PALB2: variants seen among roughly 807,000 people sequenced by gnomAD.
PALB2 encodes mutant partner and localizer of BRCA2.
In PALB2, 82 loss-of-function variants were observed where a neutral mutation model predicts 107.4. That is an observed-to-expected ratio of 0.76 (90% CI 0.64 to 0.92). The LOEUF is 0.92. Ranked by LOEUF, PALB2 falls within the 40% of genes least tolerant of loss-of-function variation. The pLI, the probability that PALB2 is intolerant of heterozygous loss-of-function variation, is 0.00. For synonymous variants in PALB2, 489 were observed against 496.8 expected, an observed-to-expected ratio of 0.98 and a Z score of 0.21; for missense variants, 1,374 against 1,379.9, an observed-to-expected ratio of 1.00 and a Z score of 0.07.
At chr16:23,622,320 G>A (rs568575442) in intron 9 of PALB2, among the ~76,000 whole-genome samples, 1 of 152,234 alleles carries the variant, frequency 6.6e-6, no homozygotes, top group Admixed American at 6.5e-5. Flanking sequence ...GTGAAGCAAT[G>A]GACACAAGTG....
chr16:23,611,077 A>G (rs1005431767), intron 11 of PALB2, among the ~76,000 whole-genome samples: 1 of 135,106 alleles, frequency 7.4e-6, no homozygotes, highest in Non-Finnish European at 1.6e-5. Context: ...TTCAACTGTC[A>G]GTCTATCTAT....
At chr16:23,626,794 G>T (rs1448124885) in intron 6 of PALB2, among the ~76,000 whole-genome samples, 1 of 151,932 alleles carries the variant, frequency 6.6e-6, no homozygotes, top group East Asian at 2.0e-4. Flanking sequence ...GCTAATTTTT[G>T]TATTTTTAGT....
chr16:23,622,002 C>CA (rs1966781741), intron 9 of PALB2, among the ~76,000 whole-genome samples: 2 of 152,164 alleles, frequency 1.3e-5, no homozygotes. Context: ...CACTAACATA[C>CA]CCCTAATTTA....
At chr16:23,626,444 T>A (rs2142357318) in intron 6 of PALB2, 47 bp from the exon 7 acceptor site, 5 of 1,604,298 alleles carry the variant, frequency 3.1e-6, no homozygotes, top group Non-Finnish European at 4.3e-6. Flanking sequence ...CGAGTGCTGT[T>A]TTATGCAAAG....
chr16:23,604,697 T>C (rs927364189), intron 12 of PALB2, among the ~76,000 whole-genome samples: 2 of 146,652 alleles, frequency 1.4e-5, no homozygotes, highest in African/African-American at 5.1e-5. Context: ...ACATGGGAGG[T>C]GGAGGTTGCA....
At chr16:23,611,020 CAG>C (rs1310022136) in intron 11 of PALB2, among the ~76,000 whole-genome samples, 1 of 151,862 alleles carries the variant, frequency 6.6e-6, no homozygotes, top group Non-Finnish European at 1.5e-5. Context: ...GCCTGGGTGA[CAG>C]AGCAAGAATC....
chr16:23,631,498 C>A (rs1221784100), intron 4 of PALB2, among the ~76,000 whole-genome samples: 2 of 151,446 alleles, frequency 1.3e-5, no homozygotes, highest in African/African-American at 4.9e-5. Context: ...AAAACCAAAC[C>A]AAACAAAACA....
At chr16:23,608,353 C>T (rs994317685) in intron 11 of PALB2, among the ~76,000 whole-genome samples, 1 of 152,016 alleles carries the variant, frequency 6.6e-6, no homozygotes, top group African/African-American at 2.4e-5. Context: ...CCGCGCTCAG[C>T]CAACTTCTAG....
chr16:23,628,904 G>C (rs1278745051), intron 6 of PALB2, among the ~76,000 whole-genome samples: 1 of 152,214 alleles, frequency 6.6e-6, no homozygotes, highest in Admixed American at 6.5e-5. Flanking sequence ...AAAGTGCTGA[G>C]ATTATAGGGG....
chr16:23,611,741 A>T (rs1287658412), intron 11 of PALB2, among the ~76,000 whole-genome samples: 1 of 152,144 alleles, frequency 6.6e-6, no homozygotes. Context: ...TACAGGCGTG[A>T]GCCACTGCAC....
intron 4 of PALB2, among the ~76,000 whole-genome samples, chr16:23,634,190 G>A (rs747601341): frequency 8.5e-5 from 13 of 152,196 alleles, no homozygotes; most frequent in Admixed American, 2.6e-4. Context: ...GCACCATACC[G>A]CCAGGTTTGA....
chr16:23,625,638 T>C (rs1275024477), intron 7 of PALB2, among the ~76,000 whole-genome samples: 1 of 150,578 alleles, frequency 6.6e-6, no homozygotes, highest in Non-Finnish European at 1.5e-5. Context: ...CTACTAAAAA[T>C]ACAAAAAAAT....
Position 23,603,444 on chromosome 16 carries a change from T to G in PALB2, c.*15A>C, listed in dbSNP as rs943559354. The G allele has an allele frequency of 6.2e-7, 1 of 1,603,028 alleles. No individual in the cohort carries two copies. The highest frequency in any genetic ancestry group is 8.5e-7 in the Non-Finnish European group (1 of 1,170,148). Reference sequence around the variant, plus strand: ...CCAATATATCCAGAAAATTGTGTTTTCACTTTACCCTAACTTATGAATAGT... The same window carrying G: ...CCAATATATCCAGAAAATTGTGTTTGCACTTTACCCTAACTTATGAATAGT... On this transcript the variant is annotated 3_prime_UTR_variant, in exon 13 of 13. Transcript: ENST00000261584.
At chr16:23,618,558 A>G (rs1373129124) in intron 10 of PALB2, among the ~76,000 whole-genome samples, 2 of 151,912 alleles carry the variant, frequency 1.3e-5, no homozygotes, top group East Asian at 3.9e-4. Context: ...AAGAAAGAGT[A>G]TTTACAATGT....
intron 6 of PALB2, among the ~76,000 whole-genome samples, chr16:23,628,106 C>A (rs540634966): frequency 4.6e-5 from 7 of 152,328 alleles, no homozygotes; most frequent in Admixed American, 4.6e-4. Flanking sequence ...CACTTGTAAT[C>A]CCAGCTACTA....
chr16:23,604,805 G>A (rs942469887), intron 12 of PALB2, among the ~76,000 whole-genome samples: 1 of 151,640 alleles, frequency 6.6e-6, no homozygotes, highest in Non-Finnish European at 1.5e-5. Flanking sequence ...CAGGCCTGGT[G>A]GCTCACGCCG....
At chr16:23,611,911 C>T (rs908202589) in intron 11 of PALB2, among the ~76,000 whole-genome samples, 1 of 152,176 alleles carries the variant, frequency 6.6e-6, no homozygotes, top group Non-Finnish European at 1.5e-5. Flanking sequence ...CACCTGGCCA[C>T]AACTGTCTTA....
rs566942916 is a variant in PALB2 at position 23,616,747 on chromosome 16, C to T, written c.3114-2656G>A. Reference sequence around the variant, plus strand: ...CAGCAAGACTTCCTTACACACTGGCCCCTCAGTGTTTAAGAATGTTTTAAC... The same window carrying T: ...CAGCAAGACTTCCTTACACACTGGCTCCTCAGTGTTTAAGAATGTTTTAAC... On this transcript the variant is annotated intron_variant, in intron 10 of 12. Transcript: ENST00000261584. 2.6e-5 allele frequency among the ~76,000 whole-genome samples: 4 copies of T among 152,232 alleles called. No individual in the cohort carries two copies. In the South Asian group the frequency reaches 6.2e-4, roughly 24 times the overall value.
chr16:23,618,353 C>T (rs1966718804), intron 10 of PALB2, among the ~76,000 whole-genome samples: 1 of 151,980 alleles, frequency 6.6e-6, no homozygotes, highest in Non-Finnish European at 1.5e-5. Context: ...TTTGTGACCT[C>T]TTATATACGA....
Sources: gnomAD v4.1 joint callset for allele counts (sites outside exome capture counted in the v4.1 genomes callset) on GRCh38, gnomAD v4.1.1 for gene constraint, MANE v1.5 for transcripts, NCBI Gene and HGNC (gene_info 2026-07-23, HGNC 2026-07-21) for gene names.